SP6: variants seen among roughly 807,000 people sequenced by gnomAD.
SP6 encodes Sp6 transcription factor.
A neutral mutation model predicts 23.4 loss-of-function variants in SP6; 10 were observed. The ratio of observed to expected loss-of-function variants is 0.43; its 90% CI spans 0.26 to 0.72. SP6 has a LOEUF of 0.72. SP6 is among the 30% of genes least tolerant of loss of function. SP6 has a pLI of 0.23. For missense variants in SP6, 482 were observed against 523.8 expected, an observed-to-expected ratio of 0.92 and a Z score of 0.78; for synonymous variants, 238 against 238.7, an observed-to-expected ratio of 1.00 and a Z score of 0.03.
the SP6 span, among the ~76,000 whole-genome samples, chr17:47,874,879 T>C: frequency 6.6e-6 from 1 of 152,134 alleles, no homozygotes; most frequent in Non-Finnish European, 1.5e-5. Flanking sequence ...CTACCATTAA[T>C]ACTTTTCCCT....
chr17:47,870,499 C>T, the SP6 span, among the ~76,000 whole-genome samples: 4 of 152,106 alleles, frequency 2.6e-5, no homozygotes, highest in Non-Finnish European at 5.9e-5. Context: ...AGGGAGAGGG[C>T]TTTGAGCTGG....
chr17:47,875,435 C>G, the SP6 span, among the ~76,000 whole-genome samples: 4 of 152,188 alleles, frequency 2.6e-5, no homozygotes, highest in Admixed American at 6.5e-5. Flanking sequence ...GCCTGGGGGG[C>G]CCCCTCTAGC....
upstream of SP6, among the ~76,000 whole-genome samples, chr17:47,859,261 C>T (rs1318048164): frequency 6.6e-6 from 1 of 152,204 alleles, no homozygotes; most frequent in Non-Finnish European, 1.5e-5. Flanking sequence ...CAAACATGTC[C>T]AGCCTTCCTA....
Position 47,847,378 on chromosome 17 carries a change from C to G in SP6, c.1052G>C (p.Gly351Ala), listed in dbSNP as rs200504646. 4.1e-5 allele frequency: 66 copies of G among 1,611,634 alleles called. No individual in the cohort carries two copies. The African/African-American group carries it at 7.9e-4, about 19-fold the overall frequency. The change falls in exon 2 of 2, where the codon GGC becomes GCC. Residue 351 changes from glycine (G) to alanine (A), a missense_variant. Coordinates refer to ENST00000536300, the MANE Select transcript of SP6 (RefSeq NM_001258248.2). Reference sequence around the variant, plus strand: ...GGGCTCCACTGCGCCGCCGGCCTTGCCCTCTCCCGAGGCCGCCCCAGCCGC... The same window carrying G: ...GGGCTCCACTGCGCCGCCGGCCTTGGCCTCTCCCGAGGCCGCCCCAGCCGC... ...EEAAGAASGE[G>A]KAGGAVEPPG...
chr17:47,869,160 C>T, the SP6 span, among the ~76,000 whole-genome samples: 13 of 152,342 alleles, frequency 8.5e-5, no homozygotes, highest in African/African-American at 2.9e-4. Flanking sequence ...TAAACTAATG[C>T]CCCATCCTTT....
At chr17:47,872,000 G>A in the SP6 span, among the ~76,000 whole-genome samples, 3 of 152,288 alleles carry the variant, frequency 2.0e-5, no homozygotes, top group East Asian at 1.9e-4. Flanking sequence ...GTGTGGGTTT[G>A]TCTCAGGCCC....
chr17:47,861,583 AT>A, the SP6 span, among the ~76,000 whole-genome samples: 1 of 152,150 alleles, frequency 6.6e-6, no homozygotes. Context: ...AAATACAAAA[AT>A]TAGCCAGGCA....
In SP6 at chr17:47,848,147, G is replaced by T; in HGVS notation, c.283C>A (p.Leu95Ile). The change falls in exon 2 of 2, where the codon CTC becomes ATC. Residue 95 changes from leucine to isoleucine, a missense_variant. By Grantham distance (5) the Leu-to-Ile change is conservative. Transcript: ENST00000536300. This position sits in a 1 kb window ranked among gnomAD's most constrained non-coding sequence, Gnocchi z 5.3. Reference sequence around the variant, plus strand: ...TGGTGTGACATGTCCGGCTGCAGGAGCTTGGAAAAGGGGCCCGGGGCCAAG... The same window carrying T: ...TGGTGTGACATGTCCGGCTGCAGGATCTTGGAAAAGGGGCCCGGGGCCAAG... ...SPLAPGPFSK[L>I]LQPDMSHHYE... 6.2e-7 allele frequency: 1 copy of T among 1,613,522 alleles called. No individual in the cohort carries two copies. Among genetic ancestry groups the T allele is most frequent in the Non-Finnish European group, 8.5e-7 (1 of 1,179,988 alleles).
At chr17:47,873,988 C>T in the SP6 span, among the ~76,000 whole-genome samples, 1 of 150,988 alleles carries the variant, frequency 6.6e-6, no homozygotes, top group African/African-American at 2.4e-5. Flanking sequence ...TCTTCTTCCT[C>T]TTCCTCTTTT....
chr17:47,864,357 T>C, the SP6 span: 1 of 152,088 alleles, frequency 6.6e-6, no homozygotes, highest in Non-Finnish European at 1.5e-5. Context: ...CTCTAACTCC[T>C]GGGCTCAAGC....
the SP6 span, among the ~76,000 whole-genome samples, chr17:47,867,309 A>G: frequency 6.6e-6 from 1 of 152,066 alleles, no homozygotes; most frequent in East Asian, 1.9e-4. Flanking sequence ...AAGAGAAGCA[A>G]TGAGGCTTAG....
In SP6 at chr17:47,847,899, G is replaced by A. The variant is rs1221994160; in HGVS notation, c.531C>T (p.Ala177=). 1.9e-6 allele frequency: 3 copies of A among 1,561,704 alleles called. No homozygotes were observed. The highest frequency in any genetic ancestry group is 1.3e-5 in the African/African-American group (1 of 74,108). Residue 177 remains alanine, a synonymous_variant, in exon 2 of 2, where the codon GCC becomes GCT. Transcript: ENST00000536300. The part of the protein sequence containing the change: ...HPHAHHLLPA[A]GGQHLLGPPD... ...GCGGCCCTAGGAGATGCTGCCCTCC[G>A]GCAGCTGGAAGGAGGTGGTGCGCAT...
At chr17:47,875,416 T>C in the SP6 span, among the ~76,000 whole-genome samples, 2 of 152,132 alleles carry the variant, frequency 1.3e-5, no homozygotes, top group African/African-American at 4.8e-5. Context: ...AGAGAGGCTA[T>C]CAAAGCAAGC....
In SP6 at chr17:47,846,981, A is replaced by G; in HGVS notation, c.*318T>C. On this transcript the variant is annotated 3_prime_UTR_variant, in exon 2 of 2. Transcript: ENST00000536300. ...GGGACTGGGACTTGCTGTCTCCTCTAGCCTGTCCCCGCCAGCCAGCCGCGG... is the reference window on the plus strand; with the variant it reads ...GGGACTGGGACTTGCTGTCTCCTCTGGCCTGTCCCCGCCAGCCAGCCGCGG... The G allele has an allele frequency of 2.8e-6, 1 of 356,904 alleles. No homozygotes were observed. Among genetic ancestry groups the G allele is most frequent in the Non-Finnish European group, 5.1e-6 (1 of 195,920 alleles). The allele number at this position is 356,904 out of a possible 1,614,324, so 22.1% of individuals were successfully genotyped here.
rs2033886836 is a variant in SP6 at position 47,846,539 on chromosome 17, T to C, written c.*760A>G. On this transcript the variant is annotated 3_prime_UTR_variant, in exon 2 of 2. Coordinates refer to ENST00000536300, the MANE Select transcript of SP6 (RefSeq NM_001258248.2). Reference sequence around the variant, plus strand: ...TTCCATACCCCACCAAATCCCTATCTCTCATTTTAGAAGAGGACTTCCCTA... The same window carrying C: ...TTCCATACCCCACCAAATCCCTATCCCTCATTTTAGAAGAGGACTTCCCTA... 1 of 152,094 alleles carries C rather than the reference T, an allele frequency of 6.6e-6. No homozygotes were observed. Among genetic ancestry groups the C allele is most frequent in the African/African-American group, 2.4e-5 (1 of 41,414 alleles). 9.4% of individuals were successfully genotyped at this position (152,094 alleles called of 1,614,324 possible). A position where few individuals can be genotyped will look rare whatever the true frequency, so the allele number is the denominator to read the frequency against.
At chr17:47,868,367 T>C in the SP6 span, among the ~76,000 whole-genome samples, 34 of 152,030 alleles carry the variant, frequency 2.2e-4, no homozygotes, top group African/African-American at 8.0e-4. Context: ...ATGAGCAGAG[T>C]GTTGCAAAGC....
chr17:47,873,997 TTTC>T, the SP6 span, among the ~76,000 whole-genome samples: 10 of 149,550 alleles, frequency 6.7e-5, no homozygotes, highest in African/African-American at 2.0e-4. Context: ...TCTTCCTCTT[TTTC>T]TTCTCCTTCC....
the SP6 span, among the ~76,000 whole-genome samples, chr17:47,873,124 A>G: frequency 6.6e-6 from 1 of 152,140 alleles, no homozygotes; most frequent in African/African-American, 2.4e-5. Flanking sequence ...TGCTATGCAA[A>G]CCAAATGCAA....
the SP6 span, among the ~76,000 whole-genome samples, chr17:47,866,686 C>T: frequency 6.6e-6 from 1 of 152,188 alleles, no homozygotes; most frequent in African/African-American, 2.4e-5. Context: ...GCCCACCCAT[C>T]TTCCCCCAGG....
Sources: allele counts gnomAD v4.1 joint callset (sites outside exome capture counted in the v4.1 genomes callset), GRCh38; gene constraint gnomAD v4.1.1; non-coding constraint Gnocchi (gnomAD v3.1); transcripts MANE v1.5; gene names NCBI Gene and HGNC (gene_info 2026-07-23, HGNC 2026-07-21).